UBR1: variants seen among roughly 807,000 people sequenced by gnomAD.
The protein encoded by UBR1 is E3 ubiquitin-protein ligase UBR1.
UBR1 carries 102 observed loss-of-function variants against 242.1 expected under a neutral mutation model. The observed-to-expected ratio is 0.42, with a 90% CI of 0.36 to 0.50. The LOEUF (loss-of-function observed/expected upper bound fraction) is 0.50. Among genes scored for constraint, UBR1 ranks in the 20% least tolerant of loss-of-function variants. UBR1 has a pLI of 0.01. For missense variants in UBR1, 1,772 were observed against 2,101.8 expected (o/e 0.84, Z 3.07); for synonymous variants, 675 against 684.8 (o/e 0.99, Z 0.22).
chr15:43,096,789 A>T (rs559075192), intron 1 of UBR1, among the ~76,000 whole-genome samples: 93 of 152,312 alleles, frequency 6.1e-4, no homozygotes, highest in African/African-American at 2.2e-3. Flanking sequence ...TCATAACTTC[A>T]ACCTCCACTT....
chr15:43,079,771 G>A (rs2033954497), intron 3 of UBR1, among the ~76,000 whole-genome samples: 1 of 151,782 alleles, frequency 6.6e-6, no homozygotes, highest in Non-Finnish European at 1.5e-5. Context: ...GACAAAGCGA[G>A]ACTCCGTCTC....
intron 21 of UBR1, among the ~76,000 whole-genome samples, chr15:43,029,203 C>G (rs1055319550): frequency 6.6e-6 from 1 of 152,112 alleles, no homozygotes; most frequent in Admixed American, 6.5e-5. Flanking sequence ...TTTTAAGAAT[C>G]ATTTTTCTAA....
intron 14 of UBR1, among the ~76,000 whole-genome samples, chr15:43,045,459 C>G (rs1014739437): frequency 2.6e-5 from 4 of 151,936 alleles, no homozygotes; most frequent in African/African-American, 9.7e-5. Context: ...AGAGTAAGAC[C>G]TTGTCTCTAA....
intron 4 of UBR1, among the ~76,000 whole-genome samples, chr15:43,074,591 G>T (rs902799101): frequency 6.6e-6 from 1 of 151,996 alleles, no homozygotes; most frequent in African/African-American, 2.4e-5. Context: ...CACCACACCT[G>T]GCTAATTTTT....
In UBR1 at chr15:43,007,303, A is replaced by G; in HGVS notation, c.3210-19T>C. On this transcript the variant is annotated intron_variant, in intron 29 of 46. Transcript: ENST00000290650. The stretch of plus-strand genomic sequence containing the variant: ...TGGGGTGCTACCAAAAGAAATGATC[A>G]GAAATGAGGACACATGTTTTGGTCA... 6.2e-7 allele frequency: 1 copy of G among 1,612,920 alleles called. No individual in the cohort carries two copies. Among genetic ancestry groups the G allele is most frequent in the Non-Finnish European group, 8.5e-7 (1 of 1,179,162 alleles).
chr15:43,007,907 G>A (rs2032858412), intron 29 of UBR1, among the ~76,000 whole-genome samples: 1 of 152,020 alleles, frequency 6.6e-6, no homozygotes, highest in African/African-American at 2.4e-5. Context: ...TATTTTGGTC[G>A]CTATTCAAAC....
At chr15:43,008,334 C>T (rs987206459) in intron 29 of UBR1, among the ~76,000 whole-genome samples, 4 of 152,374 alleles carry the variant, frequency 2.6e-5, no homozygotes, top group African/African-American at 7.2e-5. Flanking sequence ...ATGCCCGCTC[C>T]GATTTTGGAG....
chr15:43,067,296 A>G (rs1324601996), intron 6 of UBR1, among the ~76,000 whole-genome samples: 30 of 152,216 alleles, frequency 2.0e-4, no homozygotes, highest in Non-Finnish European at 2.9e-5. Flanking sequence ...CGAAACACAG[A>G]GAAAGTTAAC....
At chr15:42,969,837 TAAG>T (rs907585810) in intron 40 of UBR1, among the ~76,000 whole-genome samples, 1 of 152,042 alleles carries the variant, frequency 6.6e-6, no homozygotes, top group African/African-American at 2.4e-5. Flanking sequence ...CTCAAGGAAA[TAAG>T]AGAGTACACA....
intron 21 of UBR1, 62 bp from the exon 22 acceptor site, chr15:43,027,890 G>C (rs1313558700): frequency 7.7e-7 from 1 of 1,297,354 alleles, no homozygotes; most frequent in Non-Finnish European, 1.1e-6. Flanking sequence ...TCTCTGTGAA[G>C]TGAAATACAT....
In UBR1 at chr15:42,984,957, A is replaced by G. The variant is rs761468168; in HGVS notation, c.3998-15T>C. The stretch of plus-strand genomic sequence containing the variant: ...CAATAGATTTTCTCAAAGAATAAAA[A>G]AAAATAAAAATAATAAATCCTGAAT... On this transcript the variant is annotated splice_polypyrimidine_tract_variant and intron_variant, in intron 35 of 46. Coordinates refer to ENST00000290650, the MANE Select transcript of UBR1 (RefSeq NM_174916.3). 63 of 1,566,434 alleles carry G rather than the reference A, an allele frequency of 4.0e-5. No homozygotes were observed. Among genetic ancestry groups the G allele is most frequent in the Admixed American group, 1.0e-4 (6 of 59,684 alleles).
rs1330651898 is a variant in UBR1 at position 43,074,199 on chromosome 15, G to T, written c.528+780C>A. 2.6e-5 allele frequency among the ~76,000 whole-genome samples: 4 copies of T among 152,048 alleles called. No individual in the cohort carries two copies. In the East Asian group the frequency reaches 7.7e-4, roughly 29 times the overall value. On this transcript the variant is annotated intron_variant, in intron 4 of 46. Coordinates refer to ENST00000290650, the MANE Select transcript of UBR1 (RefSeq NM_174916.3). The stretch of plus-strand genomic sequence containing the variant: ...TTTTATAATCCTCGTGATTCCTTCT[G>T]TATTTGTGATTCTATGGTTATTTTC...
At chr15:42,952,564 G>A (rs965621952) in intron 44 of UBR1, 116 bp from the exon 45 acceptor site, 2 of 1,183,228 alleles carry the variant, frequency 1.7e-6, no homozygotes, top group African/African-American at 3.0e-5. Context: ...TTCCAGCAAG[G>A]AAGCTCTTAA....
At chr15:43,000,537 TTAGG>T (rs2032707786) in intron 32 of UBR1, among the ~76,000 whole-genome samples, 3 of 152,240 alleles carry the variant, frequency 2.0e-5, no homozygotes. Flanking sequence ...TGCTGTATAG[TTAGG>T]TAAGGCTTTG....
At chr15:42,993,913 C>T (rs1479328662) in intron 33 of UBR1, among the ~76,000 whole-genome samples, 1 of 151,886 alleles carries the variant, frequency 6.6e-6, no homozygotes, top group African/African-American at 2.4e-5. Context: ...TCCATCAAGG[C>T]ACTGTTAGAA....
intron 11 of UBR1, among the ~76,000 whole-genome samples, chr15:43,056,092 G>A (rs1245205253): frequency 6.6e-6 from 1 of 152,064 alleles, no homozygotes; most frequent in African/African-American, 2.4e-5. Flanking sequence ...AAATATTTTT[G>A]GTATTGAAAA....
intron 3 of UBR1, among the ~76,000 whole-genome samples, chr15:43,079,275 G>A (rs1490471706): frequency 1.3e-5 from 2 of 151,928 alleles, no homozygotes; most frequent in African/African-American, 4.8e-5. Flanking sequence ...AGACCAACCT[G>A]GGCAACACAG....
rs781493412 is a variant in UBR1 at position 43,024,977 on chromosome 15, G to T, written c.2591C>A (p.Pro864Gln). 1.9e-6 allele frequency: 3 copies of T among 1,613,990 alleles called. No homozygotes were observed. Among genetic ancestry groups the T allele is most frequent in the Non-Finnish European group, 2.5e-6 (3 of 1,180,016 alleles). The change falls in exon 25 of 47, where the codon CCG (proline) becomes CAG (glutamine). Residue 864 changes from proline to glutamine, a missense_variant. Physicochemically the swap from Pro to Gln is moderately conservative, Grantham distance 76. This residue lies in a region of UBR1 where 965 missense variants were observed against 1,079.7 expected (regional missense o/e 0.89). Coordinates refer to ENST00000290650, the MANE Select transcript of UBR1 (RefSeq NM_174916.3). The stretch of plus-strand genomic sequence containing the variant: ...GCAGAATTCAGGAGGTGGTGGTGGC[G>T]GCAATGCTATAGGAGGTGGGGAATG... Reference protein sequence around the residue: ...RKQENKDEALPPPPPPEFCPA... With the variant: ...RKQENKDEALQPPPPPEFCPA...
chr15:43,041,563 C>T (rs893259679), intron 15 of UBR1, among the ~76,000 whole-genome samples: 18 of 151,974 alleles, frequency 1.2e-4, no homozygotes, highest in African/African-American at 4.4e-4. Flanking sequence ...GCATGTTGTG[C>T]ACCTGTACCC....
Sources: gnomAD v4.1 joint callset for allele counts (sites outside exome capture counted in the v4.1 genomes callset) on GRCh38, gnomAD v4.1.1 for gene constraint, gnomAD v4.1.1 regional missense constraint, MANE v1.5 for transcripts, NCBI Gene and HGNC (gene_info 2026-07-23, HGNC 2026-07-21) for gene names.